The following HACE1 variants were observed in gnomAD, a reference collection of about 807,000 sequenced individuals.
HACE1 encodes the protein E3 ubiquitin-protein ligase HACE1.
In HACE1, 73 loss-of-function variants were observed where a neutral mutation model predicts 118.4. That is an observed-to-expected ratio of 0.62 (90% CI 0.51 to 0.75). The LOEUF (loss-of-function observed/expected upper bound fraction) is 0.75. Among genes scored for constraint, HACE1 ranks in the 30% least tolerant of loss-of-function variants. The probability of loss-of-function intolerance (pLI) is 0.00; values close to 1 mark genes in which losing one functional copy is unlikely to be tolerated. For synonymous variants in HACE1, 368 were observed against 374.8 expected (o/e 0.98, Z 0.21); for missense variants, 749 against 1,102.2 (o/e 0.68, Z 4.54).
At chr6:104,740,414 C>A (rs1241301709) in intron 22 of HACE1, among the ~76,000 whole-genome samples, 1 of 151,930 alleles carries the variant, frequency 6.6e-6, no homozygotes, top group Non-Finnish European at 1.5e-5. Context: ...AATTGATAGA[C>A]CGCTAGCAAG....
intron 22 of HACE1, among the ~76,000 whole-genome samples, chr6:104,735,307 C>A (rs1400043207): frequency 2.6e-5 from 4 of 151,908 alleles, no homozygotes; most frequent in African/African-American, 7.2e-5. Context: ...ATACCACACA[C>A]AAAAAACTAT....
rs560318816 is a variant in HACE1, at chr6:104,766,382, C to T, written c.2211+4811G>A. On this transcript the variant is annotated intron_variant, in intron 19 of 23. Transcript: ENST00000262903. ...CATATGAGATCAGGTATGGGATTTACCACTTATGGCTTCATGTCAGTACTC... is the reference window on the plus strand; with the variant it reads ...CATATGAGATCAGGTATGGGATTTATCACTTATGGCTTCATGTCAGTACTC... Among the ~76,000 whole-genome samples, 5 of 152,198 alleles carry T rather than the reference C, an allele frequency of 3.3e-5. No homozygotes were observed. The South Asian group carries it at 1.0e-3, about 32-fold the overall frequency.
chr6:104,859,621 G>C lies in HACE1; in HGVS notation c.22C>G (p.Leu8Val), dbSNP rs1307572279. The change falls in exon 1 of 24, where the codon CTC (leucine) becomes GTC (valine). Residue 8 changes from leucine to valine, a missense_variant. Around this residue, in one of 5 missense-constraint regions of HACE1, gnomAD observed 120 missense variants for 219.1 expected, o/e 0.55. Coordinates refer to ENST00000262903, the MANE Select transcript of HACE1 (RefSeq NM_020771.4). MERAMEQ[L>V]NRLTRSLRRA... ...CGCAGCGAGCGCGTCAGGCGGTTGA[G>C]TTGCTCCATCGCTCTCTCCATCCTC... The C allele has an allele frequency of 3.3e-6, 5 of 1,532,856 alleles. No individual in the cohort carries two copies. Among genetic ancestry groups the C allele is most frequent in the Non-Finnish European group, 4.4e-6 (5 of 1,143,282 alleles). The allele number at this position is 1,532,856 out of a possible 1,614,324, so 95.0% of individuals were successfully genotyped here.
intron 11 of HACE1, among the ~76,000 whole-genome samples, chr6:104,788,575 A>G (rs1202344029): frequency 3.3e-5 from 5 of 152,130 alleles, no homozygotes; most frequent in South Asian, 2.1e-4. Context: ...AACCCACAAG[A>G]TAAGATCTTG....
At chr6:104,838,598 C>T (rs1428959567) in intron 5 of HACE1, among the ~76,000 whole-genome samples, 2 of 151,946 alleles carry the variant, frequency 1.3e-5, no homozygotes, top group East Asian at 1.9e-4. Flanking sequence ...CATGAAACTA[C>T]TAAAATAAAA....
At chr6:104,783,194 G>A (rs1438514473) in intron 14 of HACE1, among the ~76,000 whole-genome samples, 1 of 152,098 alleles carries the variant, frequency 6.6e-6, no homozygotes, top group Non-Finnish European at 1.5e-5. Context: ...TCAAAATGTT[G>A]CATATTTTTT....
chr6:104,844,990 A>AG (rs1210044223), intron 4 of HACE1, among the ~76,000 whole-genome samples: 1 of 152,160 alleles, frequency 6.6e-6, no homozygotes, highest in Non-Finnish European at 1.5e-5. Context: ...TTAAGTGTAT[A>AG]GTTCACTGGT....
chr6:104,823,370 G>A (rs931519394), intron 6 of HACE1, among the ~76,000 whole-genome samples: 60 of 151,726 alleles, frequency 4.0e-4, no homozygotes, highest in African/African-American at 1.4e-3. Flanking sequence ...GGAGGCAGAG[G>A]TTGCAGTGAG....
chr6:104,779,215 C>A (rs1781500390), intron 14 of HACE1, among the ~76,000 whole-genome samples: 1 of 152,116 alleles, frequency 6.6e-6, no homozygotes. Flanking sequence ...AATACCATCA[C>A]AAAAGCTAAG....
intron 19 of HACE1, among the ~76,000 whole-genome samples, chr6:104,770,873 A>G (rs995727145): frequency 1.3e-5 from 2 of 152,228 alleles, no homozygotes; most frequent in South Asian, 4.1e-4. Flanking sequence ...AAAACATGAA[A>G]GAGCAATTTT....
chr6:104,837,863 C>T (rs1392883792), intron 5 of HACE1, among the ~76,000 whole-genome samples: 2 of 152,012 alleles, frequency 1.3e-5, no homozygotes, highest in Non-Finnish European at 2.9e-5. Flanking sequence ...TAAATAAGTA[C>T]GTTGCAAAAT....
intron 6 of HACE1, among the ~76,000 whole-genome samples, chr6:104,812,555 A>G (rs1771742414): frequency 6.6e-6 from 1 of 152,132 alleles, no homozygotes; most frequent in Admixed American, 6.6e-5. Flanking sequence ...GTAAAATAAT[A>G]AAACTAAACA....
rs920197145 is a variant in HACE1, at chr6:104,777,369, T to C, written c.1567-52A>G. On this transcript the variant is annotated intron_variant, in intron 14 of 23. Transcript: ENST00000262903. ...TGTTAGCAGTGTATCAGTCATCTAA[T>C]TATCAGATTTACTAGCTTGCTAAAT... is the stretch of plus-strand genomic sequence containing the variant. The C allele has an allele frequency of 2.8e-5, 30 of 1,081,014 alleles. No homozygotes were observed. The Admixed American group carries it at 4.0e-4, about 15-fold the overall frequency. The allele number at this position is 1,081,014 out of a possible 1,614,324, so 67.0% of individuals were successfully genotyped here. A position where few individuals can be genotyped will look rare whatever the true frequency, so the allele number is the denominator to read the frequency against.
chr6:104,768,198 C>T (rs774749455), intron 19 of HACE1, among the ~76,000 whole-genome samples: 1 of 151,946 alleles, frequency 6.6e-6, no homozygotes, highest in Non-Finnish European at 1.5e-5. Flanking sequence ...TAAGGGACTC[C>T]CCCATGTGGA....
intron 19 of HACE1, among the ~76,000 whole-genome samples, chr6:104,769,650 G>A (rs1258622555): frequency 1.3e-5 from 2 of 152,068 alleles, no homozygotes; most frequent in East Asian, 1.9e-4. Flanking sequence ...GTTCTTCCTC[G>A]ACACAATTAA....
chr6:104,755,827 T>C, intron 19 of HACE1, among the ~76,000 whole-genome samples: 1 of 152,090 alleles, frequency 6.6e-6, no homozygotes, highest in East Asian at 1.9e-4. Context: ...ATCAAAAAGC[T>C]AGAAAGATCT....
chr6:104,834,416 A>T (rs1388369375), intron 5 of HACE1, among the ~76,000 whole-genome samples: 1 of 152,240 alleles, frequency 6.6e-6, no homozygotes, highest in Non-Finnish European at 1.5e-5. Flanking sequence ...AAAAATATAT[A>T]AAACACCTAT....
At chr6:104,750,938 G>C (rs1777977545) in intron 19 of HACE1, among the ~76,000 whole-genome samples, 1 of 152,174 alleles carries the variant, frequency 6.6e-6, no homozygotes. Flanking sequence ...AAATAACTCA[G>C]ATCCGGCAGC....
chr6:104,740,027 T>C (rs905100000), intron 22 of HACE1, among the ~76,000 whole-genome samples: 34 of 151,788 alleles, frequency 2.2e-4, no homozygotes, highest in Admixed American at 5.3e-4. Context: ...TCAAAACCAC[T>C]CAACTACATG....
Sources: gnomAD v4.1 joint callset for allele counts (sites outside exome capture counted in the v4.1 genomes callset) on GRCh38, gnomAD v4.1.1 for gene constraint, gnomAD v4.1.1 regional missense constraint, MANE v1.5 for transcripts, NCBI Gene and HGNC (gene_info 2026-07-23, HGNC 2026-07-21) for gene names.